HDAC9: variants seen among roughly 807,000 people sequenced by gnomAD.
HDAC9 encodes histone deacetylase 9, also known as MEF-2 interacting transcription repressor (MITR) protein.
HDAC9 carries 41 observed loss-of-function variants against 139.4 expected under a neutral mutation model. The ratio of observed to expected loss-of-function variants is 0.29; its 90% CI spans 0.23 to 0.38. The LOEUF (loss-of-function observed/expected upper bound fraction) is 0.38. HDAC9 is among the 10% of genes least tolerant of loss of function. The probability of loss-of-function intolerance (pLI) is 1.00; values close to 1 mark genes in which losing one functional copy is unlikely to be tolerated. For missense variants in HDAC9, 1,147 were observed against 1,297.0 expected (o/e 0.88, Z 1.78); for synonymous variants, 517 against 476.2 (o/e 1.09, Z -1.12).
intron 2 of HDAC9, among the ~76,000 whole-genome samples, chr7:18,277,236 G>A (rs1490306204): frequency 3.9e-5 from 6 of 152,302 alleles, no homozygotes; most frequent in South Asian, 4.1e-4. Context: ...AAGTAGGAGC[G>A]ATCGCCTGCG....
intron 22 of HDAC9, among the ~76,000 whole-genome samples, chr7:18,906,612 A>G (rs2129285986): frequency 6.6e-6 from 1 of 152,344 alleles, no homozygotes; most frequent in Non-Finnish European, 1.5e-5. Flanking sequence ...AAGAGATTAC[A>G]GGATGCAACA....
chr7:18,666,252 A>C lies in HDAC9; in HGVS notation c.1507A>C (p.Ser503Arg). The C allele has an allele frequency of 1.9e-6, 3 of 1,613,300 alleles. No homozygotes were observed. The highest frequency in any genetic ancestry group is 1.7e-5 in the Admixed American group (1 of 59,974). The change falls in exon 12 of 26, where the codon AGT (serine) becomes CGT (arginine). Residue 503 changes from serine to arginine, a missense_variant. Physicochemically the swap from Ser to Arg is moderately radical, Grantham distance 110. Coordinates refer to ENST00000686413, the MANE Select transcript of HDAC9 (RefSeq NM_178425.4). ...KSIEQLKQPG[S>R]HLEEAEEELQ... ...TATTGAACAACTGAAGCAACCAGGC[A>C]GTCACCTTGAGGAAGCAGAGGAAGA...
intron 12 of HDAC9, among the ~76,000 whole-genome samples, chr7:18,722,212 G>T (rs944537806): frequency 6.6e-6 from 1 of 152,046 alleles, no homozygotes; most frequent in Non-Finnish European, 1.5e-5. Flanking sequence ...GTCCCCAGGT[G>T]AATCAGCTGA....
At chr7:18,508,785 C>A (rs979918032) in intron 2 of HDAC9, among the ~76,000 whole-genome samples, 2 of 152,136 alleles carry the variant, frequency 1.3e-5, no homozygotes, top group African/African-American at 4.8e-5. Context: ...ATATTGCACA[C>A]TTTTTAAAGG....
At chr7:18,781,073 T>C (rs1308048880) in intron 16 of HDAC9, among the ~76,000 whole-genome samples, 1 of 152,150 alleles carries the variant, frequency 6.6e-6, no homozygotes, top group Non-Finnish European at 1.5e-5. Flanking sequence ...GATGACCTTC[T>C]TCTCATTGTG....
At chr7:18,634,075 A>G (rs903046771) in intron 7 of HDAC9, among the ~76,000 whole-genome samples, 2 of 152,142 alleles carry the variant, frequency 1.3e-5, no homozygotes, top group African/African-American at 2.4e-5. Flanking sequence ...CATCAGTGCA[A>G]TGTTGAGATT....
At chr7:18,949,942 T>C (rs1782677793) in intron 23 of HDAC9, among the ~76,000 whole-genome samples, 1 of 151,978 alleles carries the variant, frequency 6.6e-6, no homozygotes. Context: ...ACAAAAGCAT[T>C]AAACAAACCA....
At chr7:18,515,774 TTGCTTAA>T in intron 2 of HDAC9, among the ~76,000 whole-genome samples, 1 of 152,302 alleles carries the variant, frequency 6.6e-6, no homozygotes, top group Admixed American at 6.5e-5. Context: ...CATATAATAA[TTGCTTAA>T]TGAATATTCA....
At chr7:18,427,032 C>A (rs1422924934) in intron 1 of HDAC9, among the ~76,000 whole-genome samples, 1 of 152,034 alleles carries the variant, frequency 6.6e-6, no homozygotes, top group Non-Finnish European at 1.5e-5. Context: ...GCAATGTATG[C>A]ACTTGCTTCT....
chr7:18,449,113 A>G (rs574434616), intron 1 of HDAC9, among the ~76,000 whole-genome samples: 1 of 152,270 alleles, frequency 6.6e-6, no homozygotes, highest in East Asian at 1.9e-4. Context: ...CCCTGCATAC[A>G]CCTTTAGATA....
intron 2 of HDAC9, among the ~76,000 whole-genome samples, chr7:18,172,548 G>A (rs1311140521): frequency 6.6e-6 from 1 of 152,168 alleles, no homozygotes; most frequent in Admixed American, 6.5e-5. Context: ...ATGTTACGGT[G>A]TTGATTTTAG....
Position 18,694,539 on chromosome 7 carries a change from C to T in HDAC9, c.1731+28063C>T, listed in dbSNP as rs1018383511. Among the ~76,000 whole-genome samples, 22 of 152,274 alleles carry T rather than the reference C, an allele frequency of 1.4e-4. 1 individual carries two copies. The South Asian group carries it at 2.1e-3, about 14-fold the overall frequency. On this transcript the variant is annotated intron_variant, in intron 12 of 25. Transcript: ENST00000686413. ...GTTCATTAGCCTATTAGATAACTGA[C>T]GCAGGGCACCCCAATTATCTCAAAG... is the stretch of plus-strand genomic sequence containing the variant.
rs1803400023 is a variant in HDAC9 at position 18,918,397 on chromosome 7, G to GT, written c.2804-17411dup. 3.3e-5 allele frequency among the ~76,000 whole-genome samples: 5 copies of GT among 151,984 alleles called. No homozygotes were observed. The South Asian group carries it at 1.0e-3, about 32-fold the overall frequency. ...GATGGCACTAGGCCAGGTGAGAAGAGTGTTTCATAAAGCAAGAGAGATAAA... is the reference window on the plus strand; with the variant it reads ...GATGGCACTAGGCCAGGTGAGAAGAGTTGTTTCATAAAGCAAGAGAGATAAA... On this transcript the variant is annotated intron_variant, in intron 22 of 25. Transcript: ENST00000686413.
rs1011783609 is a variant in HDAC9, at chr7:18,310,846, A to T, written c.-42+20331A>T. On this transcript the variant is annotated intron_variant, in intron 1 of 3. Coordinates refer to the HDAC9 transcript ENST00000413509. ...CACACACACACACACACACACACAC[A>T]CACTCTCTTACTAAATTGCTGAGGG... Among the ~76,000 whole-genome samples the T allele has an allele frequency of 1.4e-4, 20 of 138,228 alleles. No individual in the cohort carries two copies. In the East Asian group the frequency reaches 1.7e-3, roughly 12 times the overall value. 90.7% of individuals were successfully genotyped at this position (138,228 alleles called of 152,430 possible). A position where few individuals can be genotyped will look rare whatever the true frequency, so the allele number is the denominator to read the frequency against.
At chr7:18,204,490 A>G (rs1791357847) in intron 2 of HDAC9, among the ~76,000 whole-genome samples, 1 of 152,042 alleles carries the variant, frequency 6.6e-6, no homozygotes, top group African/African-American at 2.4e-5. Context: ...ATATAAATAT[A>G]TAAATTGTTA....
intron 16 of HDAC9, among the ~76,000 whole-genome samples, chr7:18,775,044 T>G (rs1186080710): frequency 6.6e-6 from 1 of 151,936 alleles, no homozygotes. Flanking sequence ...TATTAGGGAA[T>G]AGGGAGGCCT....
At chr7:18,447,137 G>C (rs910593978) in intron 1 of HDAC9, among the ~76,000 whole-genome samples, 39 of 152,068 alleles carry the variant, frequency 2.6e-4, no homozygotes, top group African/African-American at 8.0e-4. Flanking sequence ...TAGTGTATCT[G>C]TGGTATCATT....
chr7:18,578,330 A>G (rs1826683959), intron 2 of HDAC9: 2 of 462,668 alleles, frequency 4.3e-6, no homozygotes, highest in Non-Finnish European at 4.4e-6. Flanking sequence ...TAGCCTGCGG[A>G]AAGAAGCTCT....
intron 22 of HDAC9, among the ~76,000 whole-genome samples, chr7:18,900,129 T>C (rs1261278203): frequency 6.6e-6 from 1 of 152,104 alleles, no homozygotes; most frequent in Non-Finnish European, 1.5e-5. Flanking sequence ...TATGAATACA[T>C]ACAAGAATTT....
Sources: gnomAD v4.1 joint callset for allele counts (sites outside exome capture counted in the v4.1 genomes callset) on GRCh38, gnomAD v4.1.1 for gene constraint, MANE v1.5 for transcripts, NCBI Gene and HGNC (gene_info 2026-07-23, HGNC 2026-07-21) for gene names.